CTNND2: variants seen among roughly 807,000 people sequenced by gnomAD.
The protein encoded by CTNND2 is catenin delta 2, also known as catenin delta-2.
A neutral mutation model predicts 144.4 loss-of-function variants in CTNND2; 22 were observed. The observed-to-expected ratio is 0.15, with a 90% CI of 0.11 to 0.22. The LOEUF (loss-of-function observed/expected upper bound fraction) is 0.22, where lower values mean the gene tolerates loss of function less well. CTNND2 is among the 10% of genes least tolerant of loss of function. The pLI, the probability that CTNND2 is intolerant of heterozygous loss-of-function variation, is 1.00. For synonymous variants in CTNND2, 751 were observed against 695.6 expected, an observed-to-expected ratio of 1.08 and a Z score of -1.25; for missense variants, 1,353 against 1,618.8, an observed-to-expected ratio of 0.84 and a Z score of 2.82.
intron 1 of CTNND2, among the ~76,000 whole-genome samples, chr5:11,824,057 T>G (rs960219661): frequency 4.3e-5 from 6 of 140,406 alleles, no homozygotes; most frequent in African/African-American, 1.4e-4. Context: ...GAGTCATGAT[T>G]GCACCACTGT....
At chr5:11,471,827 T>G (rs1767261260) in intron 3 of CTNND2, among the ~76,000 whole-genome samples, 1 of 152,152 alleles carries the variant, frequency 6.6e-6, no homozygotes, top group Non-Finnish European at 1.5e-5. Context: ...AGGAATTAGG[T>G]TTAATATGGC....
intron 6 of CTNND2, among the ~76,000 whole-genome samples, chr5:11,391,540 T>C (rs1696667033): frequency 6.6e-6 from 1 of 152,252 alleles, no homozygotes; most frequent in South Asian, 2.1e-4. Context: ...TGCTTGAGCA[T>C]GCACACCATT....
intron 2 of CTNND2, among the ~76,000 whole-genome samples, chr5:11,682,724 A>G (rs74834530): frequency 0.022 from 3,325 of 152,280 alleles, 45 homozygotes; most frequent in East Asian, 0.057. Flanking sequence ...ATGTACCCAG[A>G]ACTGTGTGAA....
chr5:11,068,643 C>T (rs1003315809), intron 16 of CTNND2, among the ~76,000 whole-genome samples: 4 of 152,212 alleles, frequency 2.6e-5, no homozygotes, highest in East Asian at 1.9e-4. Context: ...AGGCCAGGCG[C>T]GGTGGCTCAC....
rs534504442 is a variant in CTNND2, at chr5:11,402,977, T to C, written c.440-5774A>G. ...TCCAAGTTTGACTACTGTGGATGGA[T>C]ACATAAAGGATTGGTCAAATGTTTG... On this transcript the variant is annotated intron_variant, in intron 5 of 21. Transcript: ENST00000304623. Among the ~76,000 whole-genome samples the C allele has an allele frequency of 8.3e-4, 127 of 152,350 alleles. 1 individual carries two copies. The Middle Eastern group carries it at 0.01, about 12-fold the overall frequency.
chr5:11,742,845 T>C (rs190909985), intron 1 of CTNND2, among the ~76,000 whole-genome samples: 2 of 152,318 alleles, frequency 1.3e-5, no homozygotes, highest in Admixed American at 6.5e-5. Context: ...ACACAGAATG[T>C]GTGGATTAGT....
chr5:11,293,646 T>C (rs1269667536), intron 9 of CTNND2, among the ~76,000 whole-genome samples: 1 of 151,606 alleles, frequency 6.6e-6, no homozygotes, highest in Non-Finnish European at 1.5e-5. Context: ...TTAATATGTG[T>C]AGAGCAACTG....
chr5:11,584,820 T>C (rs1288016127), intron 2 of CTNND2, among the ~76,000 whole-genome samples: 1 of 152,204 alleles, frequency 6.6e-6, no homozygotes, highest in Non-Finnish European at 1.5e-5. Context: ...TTTTGTTTTT[T>C]TGAGCAGAAC....
intron 12 of CTNND2, among the ~76,000 whole-genome samples, chr5:11,128,554 C>T (rs1754920405): frequency 6.7e-6 from 1 of 149,770 alleles, no homozygotes; most frequent in Non-Finnish European, 1.5e-5. Context: ...GAGGCTGCAG[C>T]TCGTTTTGCT....
At chr5:10,992,336 A>G (rs1425345931) in intron 19 of CTNND2, among the ~76,000 whole-genome samples, 1 of 152,232 alleles carries the variant, frequency 6.6e-6, no homozygotes, top group African/African-American at 2.4e-5. Context: ...CATGTCATGC[A>G]TAAGAACCTG....
At chr5:11,092,720 G>A (rs889612279) in intron 15 of CTNND2, among the ~76,000 whole-genome samples, 14 of 152,304 alleles carry the variant, frequency 9.2e-5, no homozygotes, top group African/African-American at 2.9e-4. Flanking sequence ...GATGCTTCGC[G>A]TTGTATTTTC....
intron 3 of CTNND2, among the ~76,000 whole-genome samples, chr5:11,415,579 C>T (rs1761874420): frequency 6.6e-6 from 1 of 152,116 alleles, no homozygotes; most frequent in South Asian, 2.1e-4. Context: ...GTCCCTCATG[C>T]ACCCCAGCCT....
intron 12 of CTNND2, among the ~76,000 whole-genome samples, chr5:11,122,607 C>T (rs1354627929): frequency 6.6e-6 from 1 of 152,092 alleles, no homozygotes; most frequent in South Asian, 2.1e-4. Context: ...CAGCCCTTCA[C>T]ATCCCTGGGC....
intron 9 of CTNND2, among the ~76,000 whole-genome samples, chr5:11,270,417 C>T (rs1745876837): frequency 6.7e-6 from 1 of 149,786 alleles, no homozygotes; most frequent in Admixed American, 6.6e-5. Flanking sequence ...TTGTCAGGAA[C>T]ATGATTGTGT....
intron 2 of CTNND2, among the ~76,000 whole-genome samples, chr5:11,730,710 A>AT (rs1490006985): frequency 6.6e-6 from 1 of 152,246 alleles, no homozygotes; most frequent in Non-Finnish European, 1.5e-5. Flanking sequence ...TAGTATTGTG[A>AT]TGATACTAAG....
At chr5:10,978,042 T>C (rs1285774844) in intron 21 of CTNND2, among the ~76,000 whole-genome samples, 3 of 152,190 alleles carry the variant, frequency 2.0e-5, no homozygotes, top group Admixed American at 6.5e-5. Flanking sequence ...CACTACCCAG[T>C]GTGAAGCCTG....
intron 3 of CTNND2, among the ~76,000 whole-genome samples, chr5:11,478,398 A>G (rs1212413938): frequency 6.6e-6 from 1 of 152,202 alleles, no homozygotes; most frequent in African/African-American, 2.4e-5. Flanking sequence ...GCACTTTCAT[A>G]AACTACTTTC....
chr5:11,480,172 A>T (rs1224964286), intron 3 of CTNND2, among the ~76,000 whole-genome samples: 1 of 152,042 alleles, frequency 6.6e-6, no homozygotes, highest in African/African-American at 2.4e-5. Context: ...ATCCATCTCG[A>T]GTTGATTTTT....
intron 1 of CTNND2, among the ~76,000 whole-genome samples, chr5:11,791,505 G>C (rs187124603): frequency 6.6e-6 from 1 of 152,190 alleles, no homozygotes; most frequent in Non-Finnish European, 1.5e-5. Flanking sequence ...TAAATGCCAC[G>C]ATGGCTACTT....
Sources: gnomAD v4.1 joint callset for allele counts (sites outside exome capture counted in the v4.1 genomes callset) on GRCh38, gnomAD v4.1.1 for gene constraint, MANE v1.5 for transcripts, NCBI Gene and HGNC (gene_info 2026-07-23, HGNC 2026-07-21) for gene names.